TTBK2: variants seen among roughly 807,000 people sequenced by gnomAD.
The protein encoded by TTBK2 is tau tubulin kinase 2, also known as tau-tubulin kinase 2.
TTBK2 carries 28 observed loss-of-function variants against 110.8 expected under a neutral mutation model. The observed-to-expected ratio is 0.25, with a 90% confidence interval of 0.19 to 0.35. The LOEUF (loss-of-function observed/expected upper bound fraction) is 0.35. Ranked by LOEUF, TTBK2 falls within the 10% of genes least tolerant of loss-of-function variation. The pLI, the probability that TTBK2 is intolerant of heterozygous loss-of-function variation, is 1.00. For missense variants in TTBK2, 1,369 were observed against 1,500.3 expected (o/e 0.91, Z 1.45); for synonymous variants, 532 against 527.3 (o/e 1.01, Z -0.12).
In TTBK2 at chr15:42,794,710, G is replaced by T. The variant is rs1228971965; in HGVS notation, c.914C>A (p.Ser305Tyr). 1 of 1,613,952 alleles carries T rather than the reference G, an allele frequency of 6.2e-7. No homozygotes were observed. The highest frequency in any genetic ancestry group is 8.5e-7 in the Non-Finnish European group (1 of 1,180,030). The change falls in exon 10 of 15, where the codon TCC (serine) becomes TAC (tyrosine). Residue 305 changes from serine to tyrosine, a missense_variant. By Grantham distance (144) the Ser-to-Tyr change is moderately radical. This residue lies in a region of TTBK2 where 138 missense variants were observed against 179.0 expected (regional missense o/e 0.77). Coordinates refer to ENST00000267890, the MANE Select transcript of TTBK2 (RefSeq NM_173500.4). ...GGTAGAAGTAGTGGTGGTTGTTAGGGAGCCATCATTTCCAGTCTTCTCCCA... is the reference window on the plus strand; with the variant it reads ...GGTAGAAGTAGTGGTGGTTGTTAGGTAGCCATCATTTCCAGTCTTCTCCCA... ...FDWEKTGNDG[S>Y]LTTTTTSTTP... is the part of the protein sequence containing the mutation.
At chr15:42,872,449 CATT>C (rs1348049916) in intron 3 of TTBK2, among the ~76,000 whole-genome samples, 159 bp downstream of exon 3, 8 of 152,176 alleles carry the variant, frequency 5.3e-5, no homozygotes, top group African/African-American at 1.9e-4. Flanking sequence ...ACTACTAACT[CATT>C]ATAAAATTTC....
chr15:42,847,008 A>G (rs1400465807), intron 3 of TTBK2, among the ~76,000 whole-genome samples: 1 of 152,136 alleles, frequency 6.6e-6, no homozygotes, highest in African/African-American at 2.4e-5. Context: ...ATCTTTTGCA[A>G]TATCCTTTTT....
intron 9 of TTBK2, among the ~76,000 whole-genome samples, chr15:42,796,686 C>A (rs754073807): frequency 2.0e-5 from 3 of 152,228 alleles, no homozygotes; most frequent in Non-Finnish European, 4.4e-5. Flanking sequence ...TAATTAATTT[C>A]TCTTTCAACC....
intron 1 of TTBK2, among the ~76,000 whole-genome samples, chr15:42,896,280 A>G (rs961786780): frequency 1.3e-5 from 2 of 152,044 alleles, no homozygotes; most frequent in African/African-American, 4.8e-5. Context: ...GTGAGCTGAG[A>G]TCGTGCCATT....
chr15:42,778,996 T>G (rs759124653), intron 11 of TTBK2, among the ~76,000 whole-genome samples: 22 of 151,796 alleles, frequency 1.4e-4, no homozygotes, highest in African/African-American at 5.3e-4. Context: ...AAAAAGTAGC[T>G]GGGAAGGAAA....
chr15:42,904,904 C>G (rs1413796489), intron 1 of TTBK2, among the ~76,000 whole-genome samples: 1 of 151,064 alleles, frequency 6.6e-6, no homozygotes, highest in Non-Finnish European at 1.5e-5. Context: ...CAGGGTCTTA[C>G]TCTGTCGCCC....
chr15:42,833,872 T>C (rs1315017488), intron 4 of TTBK2, among the ~76,000 whole-genome samples: 1 of 151,838 alleles, frequency 6.6e-6, no homozygotes, highest in Non-Finnish European at 1.5e-5. Context: ...GCTGGGCGTG[T>C]TGGCAGCGCG....
chr15:42,786,149 T>C, intron 10 of TTBK2, among the ~76,000 whole-genome samples: 1 of 151,726 alleles, frequency 6.6e-6, no homozygotes, highest in Non-Finnish European at 1.5e-5. Context: ...AAAAAAAACT[T>C]ACAACCTAGT....
intron 9 of TTBK2, chr15:42,800,914 C>A (rs1357810324): frequency 1.0e-5 from 7 of 678,000 alleles, no homozygotes; most frequent in Non-Finnish European, 1.9e-5. Flanking sequence ...ACAGTGGCCT[C>A]CCTCCTAGGC....
intron 1 of TTBK2, among the ~76,000 whole-genome samples, chr15:42,903,834 A>G (rs992796946): frequency 4.6e-5 from 7 of 152,360 alleles, no homozygotes; most frequent in South Asian, 2.1e-4. Context: ...TGTGACATCT[A>G]TCTTGCTCAC....
chr15:42,815,961 AT>A lies in TTBK2; in HGVS notation c.603+1070del, dbSNP rs1891972155. Among the ~76,000 whole-genome samples the A allele has an allele frequency of 1.4e-4, 12 of 88,268 alleles. 1 individual carries two copies. Among genetic ancestry groups the A allele is most frequent in the South Asian group, 1.3e-3 (4 of 3,070 alleles). 57.9% of individuals were successfully genotyped at this position (88,268 alleles called of 152,430 possible). ...ATATATATATATTTAAAAAAAAAAT[AT>A]ATATATATATATATATTTGAGACGG... On this transcript the variant is annotated intron_variant, in intron 7 of 14. Coordinates refer to ENST00000267890, the MANE Select transcript of TTBK2 (RefSeq NM_173500.4).
chr15:42,741,992 C>A lies in TTBK2; in HGVS notation c.*3803G>T, dbSNP rs896890997. On this transcript the variant is annotated 3_prime_UTR_variant, in exon 15 of 15. Transcript: ENST00000267890. The stretch of plus-strand genomic sequence containing the variant: ...TAAAACATGCACCAATGTACACTTT[C>A]TCCTTGTAGATTGAATGCAACTATA... 2.0e-5 allele frequency: 3 copies of A among 152,152 alleles called. No individual in the cohort carries two copies. The highest frequency in any genetic ancestry group is 7.2e-5 in the African/African-American group (3 of 41,426). 9.4% of individuals were successfully genotyped at this position (152,152 alleles called of 1,614,324 possible).
intron 5 of TTBK2, among the ~76,000 whole-genome samples, 157 bp downstream of exon 5, chr15:42,829,781 A>G (rs1378239542): frequency 1.3e-5 from 2 of 152,166 alleles, no homozygotes; most frequent in Non-Finnish European, 2.9e-5. Context: ...TTAACAGGTA[A>G]GTTATATTTT....
At chr15:42,900,151 C>T (rs2029903015) in intron 1 of TTBK2, among the ~76,000 whole-genome samples, 1 of 151,374 alleles carries the variant, frequency 6.6e-6, no homozygotes. Flanking sequence ...CACCACCACG[C>T]CCGGCCAATT....
At chr15:42,836,802 T>G (rs146906638) in intron 4 of TTBK2, among the ~76,000 whole-genome samples, 29 of 152,326 alleles carry the variant, frequency 1.9e-4, no homozygotes, top group African/African-American at 6.7e-4. Context: ...TTTCTCTTAT[T>G]ACTGCCTAAA....
At chr15:42,801,401 G>A (rs758842711) in intron 9 of TTBK2, 9 of 1,207,320 alleles carry the variant, frequency 7.5e-6, no homozygotes, top group East Asian at 7.0e-5. Flanking sequence ...CACGCTGCTC[G>A]GTATCTGCGT....
At chr15:42,800,751 T>C (rs1595923898) in intron 9 of TTBK2, among the ~76,000 whole-genome samples, 1 of 149,794 alleles carries the variant, frequency 6.7e-6, no homozygotes, top group African/African-American at 2.5e-5. Context: ...CTAGCCGAGG[T>C]TTATTTTGGG....
chr15:42,744,133 A>G lies in TTBK2; in HGVS notation c.*1662T>C, dbSNP rs964245396. ...TGTCTTATCTATTGCATTCCTCTGGAGTGTTTGAAACTGGAGAGAAATTAA... is the reference window on the plus strand; with the variant it reads ...TGTCTTATCTATTGCATTCCTCTGGGGTGTTTGAAACTGGAGAGAAATTAA... On this transcript the variant is annotated 3_prime_UTR_variant, in exon 15 of 15. Transcript: ENST00000267890. The G allele has an allele frequency of 2.0e-5, 3 of 152,160 alleles. No homozygotes were observed. The highest frequency in any genetic ancestry group is 7.2e-5 in the African/African-American group (3 of 41,442). 9.4% of individuals were successfully genotyped at this position (152,160 alleles called of 1,614,324 possible). A position where few individuals can be genotyped will look rare whatever the true frequency, so the allele number is the denominator to read the frequency against.
intron 1 of TTBK2, among the ~76,000 whole-genome samples, chr15:42,881,282 C>CAAAAAAA (rs10717895): frequency 1.2e-3 from 54 of 43,416 alleles, no homozygotes; most frequent in Non-Finnish European, 1.5e-3. Flanking sequence ...GCTTCCGTCT[C>CAAAAAAA]AAAAAAAAAA....
Sources: gnomAD v4.1 joint callset for allele counts (sites outside exome capture counted in the v4.1 genomes callset) on GRCh38, gnomAD v4.1.1 for gene constraint, gnomAD v4.1.1 regional missense constraint, MANE v1.5 for transcripts, NCBI Gene and HGNC (gene_info 2026-07-23, HGNC 2026-07-21) for gene names.